NRXN3: variants seen among roughly 807,000 people sequenced by gnomAD.
The protein encoded by NRXN3 is neurexin 3, also known as neurexin III.
Under a neutral mutation model 137.6 loss-of-function variants are expected in NRXN3, and 32 were observed. The observed-to-expected ratio is 0.23, with a 90% CI of 0.18 to 0.31. The LOEUF is 0.31. NRXN3 is among the 10% of genes least tolerant of loss of function. The pLI, the probability that NRXN3 is intolerant of heterozygous loss-of-function variation, is 1.00. For synonymous variants in NRXN3, 798 were observed against 784.5 expected (o/e 1.02, Z -0.29); for missense variants, 1,574 against 2,062.5 (o/e 0.76, Z 4.59).
intron 15 of NRXN3, among the ~76,000 whole-genome samples, chr14:79,343,269 G>A (rs1267122985): frequency 6.6e-6 from 1 of 152,122 alleles, no homozygotes; most frequent in Non-Finnish European, 1.5e-5. Flanking sequence ...GCAAGAAGGA[G>A]GTCTGCTTTG....
intron 8 of NRXN3, among the ~76,000 whole-genome samples, chr14:78,765,062 G>A (rs895898518): frequency 1.3e-5 from 2 of 151,922 alleles, no homozygotes; most frequent in African/African-American, 2.4e-5. Flanking sequence ...GAAGCTAAAT[G>A]TATGCTATGG....
At chr14:78,525,000 T>A (rs2096355867) in intron 4 of NRXN3, among the ~76,000 whole-genome samples, 1 of 152,214 alleles carries the variant, frequency 6.6e-6, no homozygotes, top group Non-Finnish European at 1.5e-5. Context: ...CTTAACGGCA[T>A]GTGTTCCATC....
At chr14:78,865,329 A>T (rs1445975233) in intron 10 of NRXN3, among the ~76,000 whole-genome samples, 1 of 152,236 alleles carries the variant, frequency 6.6e-6, no homozygotes, top group Non-Finnish European at 1.5e-5. Flanking sequence ...CAGATAATGC[A>T]GTGTTAACAT....
chr14:79,785,594 CA>C (rs1305096575), intron 19 of NRXN3, among the ~76,000 whole-genome samples: 1 of 152,140 alleles, frequency 6.6e-6, no homozygotes, highest in Non-Finnish European at 1.5e-5. Context: ...TCTCTTTCCT[CA>C]GAGCACAGTT....
intron 20 of NRXN3, among the ~76,000 whole-genome samples, chr14:79,842,003 A>G (rs2099356839): frequency 6.6e-6 from 1 of 152,250 alleles, no homozygotes; most frequent in Non-Finnish European, 1.5e-5. Flanking sequence ...GTGTGGGCAA[A>G]GCACCATATT....
chr14:78,235,667 C>T (rs142546050), intron 1 of NRXN3, among the ~76,000 whole-genome samples: 63 of 151,968 alleles, frequency 4.1e-4, no homozygotes, highest in African/African-American at 1.5e-3. Context: ...ATCTCCATTC[C>T]GCTTTCAGCA....
chr14:79,515,706 A>G (rs1277879515), intron 16 of NRXN3, among the ~76,000 whole-genome samples: 3 of 152,056 alleles, frequency 2.0e-5, no homozygotes, highest in African/African-American at 7.2e-5. Flanking sequence ...TTAAACCTCC[A>G]TAATTCTGTA....
At chr14:78,780,247 T>G (rs1006249156) in intron 8 of NRXN3, among the ~76,000 whole-genome samples, 6 of 152,186 alleles carry the variant, frequency 3.9e-5, no homozygotes, top group Admixed American at 3.3e-4. Flanking sequence ...GAATAATTTC[T>G]TATCTATATG....
At chr14:78,505,579 A>C (rs1380840986) in intron 4 of NRXN3, among the ~76,000 whole-genome samples, 1 of 152,194 alleles carries the variant, frequency 6.6e-6, no homozygotes, top group African/African-American at 2.4e-5. Context: ...AAGATGATAA[A>C]GATGATAATT....
chr14:78,511,145 A>G (rs1464839874), intron 4 of NRXN3, among the ~76,000 whole-genome samples: 1 of 152,192 alleles, frequency 6.6e-6, no homozygotes, highest in East Asian at 1.9e-4. Context: ...GAAAACAACA[A>G]CAACAGCAGC....
At chr14:79,687,620 A>G (rs2098700682) in intron 17 of NRXN3, among the ~76,000 whole-genome samples, 1 of 152,210 alleles carries the variant, frequency 6.6e-6, no homozygotes, top group Admixed American at 6.5e-5. Flanking sequence ...AAATTCAAAA[A>G]TGCCTTTGGC....
rs34976297 is a variant in NRXN3, at chr14:79,500,236, CAAAA to C, written c.3444+32851_3444+32854del. ...TAATGAGATCTGGAGAAAAAGAAGGCAAAAAAAAAAAAAAAAAAAACCCATAGGA... is the reference window on the plus strand; with the variant it reads ...TAATGAGATCTGGAGAAAAAGAAGGCAAAAAAAAAAAAAAAACCCATAGGA... On this transcript the variant is annotated intron_variant, in intron 16 of 20. Coordinates refer to ENST00000335750, the MANE Select transcript of NRXN3 (RefSeq NM_001330195.2). Among the ~76,000 whole-genome samples the C allele has an allele frequency of 6.7e-4, 59 of 88,436 alleles. 1 individual carries two copies. The highest frequency in any genetic ancestry group is 2.3e-3 in the African/African-American group (57 of 24,670). 58.0% of individuals were successfully genotyped at this position (88,436 alleles called of 152,430 possible).
chr14:79,350,104 T>C (rs1241778881), intron 15 of NRXN3, among the ~76,000 whole-genome samples: 2 of 152,196 alleles, frequency 1.3e-5, no homozygotes, highest in Admixed American at 1.3e-4. Flanking sequence ...AATACTATAA[T>C]CTATAAGAGT....
intron 10 of NRXN3, among the ~76,000 whole-genome samples, chr14:78,850,249 A>T (rs1052992330): frequency 6.6e-6 from 1 of 152,134 alleles, no homozygotes; most frequent in Non-Finnish European, 1.5e-5. Flanking sequence ...CTAATTTTAC[A>T]GATGCGAGAA....
intron 15 of NRXN3, among the ~76,000 whole-genome samples, chr14:79,305,193 G>C (rs1380353556): frequency 6.6e-6 from 1 of 152,060 alleles, no homozygotes; most frequent in Non-Finnish European, 1.5e-5. Context: ...TATGGTATGT[G>C]TAGTGGTTAT....
At chr14:79,328,170 A>G (rs1283027302) in intron 15 of NRXN3, among the ~76,000 whole-genome samples, 1 of 152,228 alleles carries the variant, frequency 6.6e-6, no homozygotes, top group Non-Finnish European at 1.5e-5. Context: ...TTATAAATGT[A>G]AAGTAATTAA....
In NRXN3 at chr14:79,020,963, TTTAA is replaced by T. The variant is rs143661618; in HGVS notation, c.3262+32828_3262+32831del. ...ATGGAGGGTGATAGTCTTTTCTTTC[TTTAA>T]TTAATGAGTTTCCAGTTTAGATGTG... is the stretch of plus-strand genomic sequence containing the variant. On this transcript the variant is annotated intron_variant, in intron 15 of 20. Coordinates refer to ENST00000335750, the MANE Select transcript of NRXN3 (RefSeq NM_001330195.2). Among the ~76,000 whole-genome samples the T allele has an allele frequency of 0.023, 3,493 of 152,176 alleles. 465 individuals are homozygous for T. In the East Asian group the frequency reaches 0.41, roughly 18 times the overall value.
intron 8 of NRXN3, among the ~76,000 whole-genome samples, chr14:78,778,758 C>CTCTCTCTTTCTTTCTT (rs2098755817): frequency 1.0e-5 from 1 of 97,124 alleles, no homozygotes; most frequent in Non-Finnish European, 2.0e-5. Context: ...TTCCTTCTTT[C>CTCTCTCTTTCTTTCTT]TCTTTCTTTC....
intron 6 of NRXN3, among the ~76,000 whole-genome samples, chr14:78,702,451 C>CTTTTCTTTCTTTT (rs151197180): frequency 4.1e-5 from 5 of 122,702 alleles, no homozygotes; most frequent in Non-Finnish European, 8.3e-5. Context: ...TTTTTCTTTT[C>CTTTTCTTTCTTTT]TTATTTTTTT....
Sources: allele counts gnomAD v4.1 joint callset (sites outside exome capture counted in the v4.1 genomes callset), GRCh38; gene constraint gnomAD v4.1.1; transcripts MANE v1.5; gene names NCBI Gene and HGNC (gene_info 2026-07-23, HGNC 2026-07-21).